The following DDB2 variants were observed in gnomAD, a reference collection of about 807,000 sequenced individuals.
DDB2 encodes DNA damage-binding protein 2.
A neutral mutation model predicts 50.5 loss-of-function variants in DDB2; 27 were observed. The ratio of observed to expected loss-of-function variants is 0.53; its 90% CI spans 0.39 to 0.74. DDB2 has a LOEUF of 0.74. Among genes scored for constraint, DDB2 ranks in the 30% least tolerant of loss-of-function variants. The pLI is 0.00. For synonymous variants in DDB2, 176 were observed against 205.5 expected, an observed-to-expected ratio of 0.86 and a Z score of 1.23; for missense variants, 424 against 545.6, an observed-to-expected ratio of 0.78 and a Z score of 2.22.
chr11:47,238,420 C>T (rs1044339533), intron 9 of DDB2, among the ~76,000 whole-genome samples: 2 of 151,190 alleles, frequency 1.3e-5, no homozygotes, highest in Non-Finnish European at 2.9e-5. Flanking sequence ...TTTTTTGAGA[C>T]GGAGTCTCGC....
chr11:47,219,194 C>T (rs778196026), intron 3 of DDB2, among the ~76,000 whole-genome samples: 3 of 152,192 alleles, frequency 2.0e-5, no homozygotes, highest in Non-Finnish European at 2.9e-5. Context: ...CTGCCTGCCT[C>T]GGCCTCCCAA....
At position 47,239,188 on chromosome 11, in the gene DDB2, T is replaced by C. The variant is rs1953799523; in HGVS notation, c.*339T>C. 2.5e-6 allele frequency: 1 copy of C among 395,978 alleles called. No individual in the cohort carries two copies. The highest frequency in any genetic ancestry group is 2.0e-5 in the African/African-American group (1 of 50,190). The allele number at this position is 395,978 out of a possible 1,614,324, so 24.5% of individuals were successfully genotyped here. On this transcript the variant is annotated 3_prime_UTR_variant, in exon 10 of 10. Transcript: ENST00000256996. ...CAGTTATTTGATTTGTGCTCACTTT[T>C]GATATGGCCAATAAAACCATACCGA...
At chr11:47,222,742 A>ACATT (rs1418811029) in intron 3 of DDB2, among the ~76,000 whole-genome samples, 1 of 152,278 alleles carries the variant, frequency 6.6e-6, no homozygotes, top group Non-Finnish European at 1.5e-5. Context: ...GCGACTGTGA[A>ACATT]CATTCACGTA....
At chr11:47,216,044 T>G (rs2135484405) in intron 1 of DDB2, 3 of 496,174 alleles carry the variant, frequency 6.0e-6, no homozygotes, top group East Asian at 3.9e-5. Context: ...GAGTTCTGCA[T>G]TGTACTTTAT....
chr11:47,223,737 G>A (rs925896126), intron 3 of DDB2, among the ~76,000 whole-genome samples: 6 of 151,808 alleles, frequency 4.0e-5, no homozygotes, highest in African/African-American at 7.3e-5. Context: ...AGCCGAGATC[G>A]GCCACTTCAC....
At chr11:47,226,530 C>T (rs534858625) in intron 3 of DDB2, among the ~76,000 whole-genome samples, 1 of 152,114 alleles carries the variant, frequency 6.6e-6, no homozygotes, top group East Asian at 1.9e-4. Flanking sequence ...GCCTTGGCCT[C>T]CCAAATTGCT....
At chr11:47,235,582 A>G (rs1953714992) in intron 7 of DDB2, 170 bp downstream of exon 7, 2 of 676,958 alleles carry the variant, frequency 3.0e-6, no homozygotes, top group Admixed American at 2.4e-5. Flanking sequence ...CTTTTATCCC[A>G]CTTCTGCCAT....
chr11:47,219,849 G>A (rs866790151), intron 3 of DDB2, among the ~76,000 whole-genome samples: 5 of 152,132 alleles, frequency 3.3e-5, no homozygotes, highest in African/African-American at 1.2e-4. Flanking sequence ...GTGCAGTGGC[G>A]CAATCTCGGC....
Position 47,234,787 on chromosome 11 carries a change from G to A in DDB2, c.733G>A (p.Val245Met). The change falls in exon 6 of 10, where the codon GTG becomes ATG. Residue 245 changes from valine to methionine, a missense_variant. Coordinates refer to ENST00000256996, the MANE Select transcript of DDB2 (RefSeq NM_000107.3). ...GAATCTCAGAATGCACAAAAAGAAA[G>A]TGACGCATGTGGCCCTGAACCCATG... ...LWNLRMHKKK[V>M]THVALNPCCD... 1 of 1,614,208 alleles carries A rather than the reference G, an allele frequency of 6.2e-7. No individual in the cohort carries two copies. Among genetic ancestry groups the A allele is most frequent in the Non-Finnish European group, 8.5e-7 (1 of 1,180,032 alleles).
In DDB2 at chr11:47,238,884, T is replaced by A. The variant is rs749887036; in HGVS notation, c.*35T>A. ...AAGAAGGTGTGGGCCAGACAAGGCC[T>A]TGGAGCCCACACATGGGATCAAGTC... On this transcript the variant is annotated 3_prime_UTR_variant, in exon 10 of 10. Transcript: ENST00000256996. The A allele has an allele frequency of 6.2e-7, 1 of 1,609,260 alleles. No homozygotes were observed. The highest frequency in any genetic ancestry group is 8.5e-7 in the Non-Finnish European group (1 of 1,177,108).
rs187417387 is a variant in DDB2 at position 47,223,636 on chromosome 11, G to A, written c.456+6587G>A. 2.2e-3 allele frequency among the ~76,000 whole-genome samples: 328 copies of A among 152,126 alleles called. 3 individuals are homozygous for A. The highest frequency in any genetic ancestry group is 2.9e-4 in the Non-Finnish European group (20 of 68,022). On this transcript the variant is annotated intron_variant, in intron 3 of 9. Coordinates refer to ENST00000256996, the MANE Select transcript of DDB2 (RefSeq NM_000107.3). Reference sequence around the variant, plus strand: ...TGTTCTAAAAATACAAAAAAAATTAGCCAGGCGTGGTGGTGGGCGCCTGTA... The same window carrying A: ...TGTTCTAAAAATACAAAAAAAATTAACCAGGCGTGGTGGTGGGCGCCTGTA...
chr11:47,235,495 G>T, intron 7 of DDB2, 83 bp downstream of exon 7: 1 of 1,470,568 alleles, frequency 6.8e-7, no homozygotes, highest in East Asian at 2.4e-5. Flanking sequence ...GGGAAGGGCT[G>T]ATGTGGTAAG....
chr11:47,233,708 TCA>T (rs1491264170), intron 4 of DDB2, among the ~76,000 whole-genome samples: 6 of 28,594 alleles, frequency 2.1e-4, no homozygotes, highest in African/African-American at 6.7e-4. Flanking sequence ...AAAATCTATC[TCA>T]AAAAAAAAAA....
At position 47,234,881 on chromosome 11, in the gene DDB2, G is replaced by C. The variant is rs748644904; in HGVS notation, c.827G>C (p.Arg276Thr). Residue 276 changes from arginine (R) to threonine (T), a missense_variant, in exon 6 of 10, where the codon AGA (arginine) becomes ACA (threonine). Transcript: ENST00000256996. The stretch of plus-strand genomic sequence containing the variant: ...AAAATTTGGGACCTGCGCCAGGTTA[G>C]AGGGAAAGCCAGCTTCCTCTACTCG... ...TVKIWDLRQV[R>T]GKASFLYSLP... 1 of 1,614,244 alleles carries C rather than the reference G, an allele frequency of 6.2e-7. No individual in the cohort carries two copies. Among genetic ancestry groups the C allele is most frequent in the Non-Finnish European group, 8.5e-7 (1 of 1,180,046 alleles).
At position 47,215,129 on chromosome 11, in the gene DDB2, A is replaced by G. The variant is rs1274809532; in HGVS notation, c.-8A>G. 1.2e-6 allele frequency: 2 copies of G among 1,613,998 alleles called. No individual in the cohort carries two copies. Among genetic ancestry groups the G allele is most frequent in the Admixed American group, 1.7e-5 (1 of 60,008 alleles). On this transcript the variant is annotated 5_prime_UTR_variant, in exon 1 of 10. Coordinates refer to ENST00000256996, the MANE Select transcript of DDB2 (RefSeq NM_000107.3). Reference sequence around the variant, plus strand: ...TAGAGCACAGTACCCCTTCACACGGAGGACGCGATGGCTCCCAAGAAACGC... The same window carrying G: ...TAGAGCACAGTACCCCTTCACACGGGGGACGCGATGGCTCCCAAGAAACGC...
chr11:47,218,609 G>C lies in DDB2; in HGVS notation c.456+1560G>C, dbSNP rs557906641. 2.0e-5 allele frequency among the ~76,000 whole-genome samples: 3 copies of C among 152,224 alleles called. No homozygotes were observed. The South Asian group carries it at 6.2e-4, about 32-fold the overall frequency. On this transcript the variant is annotated intron_variant, in intron 3 of 9. Transcript: ENST00000256996. Reference sequence around the variant, plus strand: ...TAGAGTTTATCATCCATTGCTGAGGGGTGAGTGTGTCGTCCCCTCTAGGAC... The same window carrying C: ...TAGAGTTTATCATCCATTGCTGAGGCGTGAGTGTGTCGTCCCCTCTAGGAC...
intron 3 of DDB2, among the ~76,000 whole-genome samples, chr11:47,231,119 CAAAAAA>C (rs139290057): frequency 1.7e-5 from 1 of 58,366 alleles, no homozygotes; most frequent in Admixed American, 2.5e-4. Context: ...GCCTTCATCT[CAAAAAA>C]AAAAAAAAAA....
intron 3 of DDB2, among the ~76,000 whole-genome samples, chr11:47,232,440 T>C (rs1348852118): frequency 6.6e-6 from 1 of 151,648 alleles, no homozygotes; most frequent in Non-Finnish European, 1.5e-5. Flanking sequence ...TCGCTTGAGC[T>C]TAGGAGTTCA....
chr11:47,218,358 A>C (rs1953430770), intron 3 of DDB2, among the ~76,000 whole-genome samples: 1 of 152,234 alleles, frequency 6.6e-6, no homozygotes, highest in Non-Finnish European at 1.5e-5. Context: ...CTTGAAGTGT[A>C]ATTGAGCAGA....
Sources: gnomAD v4.1 joint callset for allele counts (sites outside exome capture counted in the v4.1 genomes callset) on GRCh38, gnomAD v4.1.1 for gene constraint, MANE v1.5 for transcripts, NCBI Gene and HGNC (gene_info 2026-07-23, HGNC 2026-07-21) for gene names.